Variants in RAB27A observed in about 807,000 individuals in gnomAD.
The protein encoded by RAB27A is ras-related protein Rab-27A.
A neutral mutation model predicts 20.8 loss-of-function variants in RAB27A; 17 were observed. The observed-to-expected ratio is 0.82, with a 90% confidence interval of 0.56 to 1.23. The LOEUF (loss-of-function observed/expected upper bound fraction) is 1.23, where lower values mean the gene tolerates loss of function less well. Among genes scored for constraint, RAB27A ranks in the 50% most tolerant of loss-of-function variants. The pLI, the probability that RAB27A is intolerant of heterozygous loss-of-function variation, is 0.00. For synonymous variants in RAB27A, 85 were observed against 92.8 expected (o/e 0.92, Z 0.48); for missense variants, 277 against 266.7 (o/e 1.04, Z -0.27).
intron 2 of RAB27A, among the ~76,000 whole-genome samples, chr15:55,236,716 T>G (rs1896272496): frequency 6.6e-6 from 1 of 152,194 alleles, no homozygotes; most frequent in African/African-American, 2.4e-5. Flanking sequence ...TCATTAAAAT[T>G]TTATTGATAC....
intron 1 of RAB27A, among the ~76,000 whole-genome samples, chr15:55,272,119 C>A (rs957963552): frequency 3.3e-5 from 5 of 152,166 alleles, no homozygotes; most frequent in African/African-American, 1.2e-4. Flanking sequence ...ACTTCTCAAC[C>A]ATCAGGATAT....
intron 2 of RAB27A, among the ~76,000 whole-genome samples, chr15:55,313,705 C>T (rs2055030605): frequency 6.6e-6 from 1 of 152,128 alleles, no homozygotes; most frequent in African/African-American, 2.4e-5. Flanking sequence ...GAAACCCCGT[C>T]TCCACTAAAA....
intron 1 of RAB27A, chr15:55,317,439 C>T (rs2055055902): frequency 3.9e-6 from 1 of 255,120 alleles, no homozygotes; most frequent in Non-Finnish European, 7.4e-6. Context: ...CTCAGCCTCC[C>T]AAGTAGCTGG....
intron 2 of RAB27A, among the ~76,000 whole-genome samples, chr15:55,246,060 G>A (rs2141020692): frequency 6.6e-6 from 1 of 151,886 alleles, no homozygotes; most frequent in African/African-American, 2.4e-5. Context: ...GCGACAGAGT[G>A]AGACTTCGTC....
At position 55,249,947 on chromosome 15, in the gene RAB27A, A is replaced by AT. The variant is rs900840178; in HGVS notation, c.-22-14992dup. On this transcript the variant is annotated intron_variant, in intron 2 of 6. Coordinates refer to ENST00000336787, the MANE Select transcript of RAB27A (RefSeq NM_183235.3). Reference sequence around the variant, plus strand: ...TTAAGAGTTCTGTAAACTTATTAAGATTTTTTTTTCTATGTTTGTTTTTTG... The same window carrying AT: ...TTAAGAGTTCTGTAAACTTATTAAGATTTTTTTTTTCTATGTTTGTTTTTTG... 3.3e-5 allele frequency among the ~76,000 whole-genome samples: 5 copies of AT among 151,194 alleles called. No homozygotes were observed. The East Asian group carries it at 5.9e-4, about 18-fold the overall frequency.
At position 55,282,666 on chromosome 15, in the gene RAB27A, T is replaced by A. The variant is rs1408015425; in HGVS notation, c.-143+7050A>T. ...AAGACTGAGAACCCAAGTCCCTGTGTAACCCTTCAGGTACACGATCTCTGG... is the reference window on the plus strand; with the variant it reads ...AAGACTGAGAACCCAAGTCCCTGTGAAACCCTTCAGGTACACGATCTCTGG... On this transcript the variant is annotated intron_variant, in intron 1 of 6. Coordinates refer to ENST00000336787, the MANE Select transcript of RAB27A (RefSeq NM_183235.3). 3.9e-5 allele frequency among the ~76,000 whole-genome samples: 6 copies of A among 152,286 alleles called. No individual in the cohort carries two copies. The East Asian group carries it at 1.2e-3, about 29-fold the overall frequency.
chr15:55,298,672 C>T (rs1179688267), intron 2 of RAB27A, among the ~76,000 whole-genome samples: 2 of 152,132 alleles, frequency 1.3e-5, no homozygotes, highest in African/African-American at 4.8e-5. Flanking sequence ...GTTTCTTCTT[C>T]CTAATAAGCC....
At position 55,276,125 on chromosome 15, in the gene RAB27A, A is replaced by C. The variant is rs183516642; in HGVS notation, c.-142-5841T>G. 3.9e-5 allele frequency among the ~76,000 whole-genome samples: 6 copies of C among 152,234 alleles called. No individual in the cohort carries two copies. In the East Asian group the frequency reaches 1.2e-3, roughly 29 times the overall value. On this transcript the variant is annotated intron_variant, in intron 1 of 6. Coordinates refer to ENST00000336787, the MANE Select transcript of RAB27A (RefSeq NM_183235.3). ...CTACTTCTGGGTATAATACATCTGAAAGAATTGAAATCAGGATTTCTAAGT... is the reference window on the plus strand; with the variant it reads ...CTACTTCTGGGTATAATACATCTGACAGAATTGAAATCAGGATTTCTAAGT...
chr15:55,236,640 T>G (rs1043903088), intron 2 of RAB27A, among the ~76,000 whole-genome samples: 1 of 152,222 alleles, frequency 6.6e-6, no homozygotes, highest in African/African-American at 2.4e-5. Flanking sequence ...ACCTTCTAAA[T>G]AGATTCAAAC....
chr15:55,284,430 A>G (rs1290073602), intron 1 of RAB27A, among the ~76,000 whole-genome samples: 1 of 152,224 alleles, frequency 6.6e-6, no homozygotes, highest in Non-Finnish European at 1.5e-5. Flanking sequence ...AGCACCTTAT[A>G]ATAAATACTC....
upstream of RAB27A, chr15:55,290,439 G>A (rs1898280199): frequency 6.6e-6 from 1 of 152,232 alleles, no homozygotes; most frequent in South Asian, 2.1e-4. Context: ...AATTTCGCAG[G>A]AAAAAAATCA....
Position 55,204,634 on chromosome 15 carries a change from G to T in RAB27A, c.*873C>A, listed in dbSNP as rs893331898. The T allele has an allele frequency of 1.3e-5, 2 of 152,160 alleles. No individual in the cohort carries two copies. Among genetic ancestry groups the T allele is most frequent in the African/African-American group, 2.4e-5 (1 of 41,434 alleles). The allele number at this position is 152,160 out of a possible 1,614,324, so 9.4% of individuals were successfully genotyped here. On this transcript the variant is annotated 3_prime_UTR_variant, in exon 7 of 7. Coordinates refer to ENST00000336787, the MANE Select transcript of RAB27A (RefSeq NM_183235.3). ...TCAACATTATAAATATGAAGAAAAA[G>T]AAACTAAATATTTACTCATCGCAAA...
At chr15:55,264,214 T>C (rs12440730) in intron 2 of RAB27A, among the ~76,000 whole-genome samples, 81,980 of 151,630 alleles carry the variant, frequency 0.54, 22,947 homozygotes, top group East Asian at 0.75. Flanking sequence ...CCACATCCGG[T>C]TAATTTTTCT....
rs1217176264 is a variant in RAB27A at position 55,303,787 on chromosome 15, T to TG, written c.-112+10251dup. Among the ~76,000 whole-genome samples the TG allele has an allele frequency of 8.9e-5, 8 of 89,610 alleles. No individual in the cohort carries two copies. In the East Asian group the frequency reaches 2.2e-3, roughly 25 times the overall value. The allele number at this position is 89,610 out of a possible 152,430, so 58.8% of individuals were successfully genotyped here. ...CCAGCCGCCCCGTCCGGGAGGGAGG[T>TG]GGGGGGGTCAGCCCCCCGCCCGGCC... On this transcript the variant is annotated intron_variant, in intron 2 of 5. Transcript: ENST00000563262.
At chr15:55,272,160 C>A (rs1897727183) in intron 1 of RAB27A, among the ~76,000 whole-genome samples, 1 of 152,152 alleles carries the variant, frequency 6.6e-6, no homozygotes, top group Admixed American at 6.5e-5. Context: ...TTTCAAAATG[C>A]TAATTCTGAT....
At chr15:55,214,437 AAAC>A (rs962634616) in intron 6 of RAB27A, among the ~76,000 whole-genome samples, 26 of 152,236 alleles carry the variant, frequency 1.7e-4, no homozygotes, top group African/African-American at 4.1e-4. Context: ...CTCCGTCTCA[AAAC>A]AACAACAACA....
intron 1 of RAB27A, among the ~76,000 whole-genome samples, chr15:55,287,835 T>G (rs1055057075): frequency 1.3e-5 from 2 of 151,886 alleles, no homozygotes; most frequent in African/African-American, 4.8e-5. Flanking sequence ...GACTCACATA[T>G]CCTGATTTCA....
At chr15:55,260,816 G>T (rs1897243858) in intron 2 of RAB27A, among the ~76,000 whole-genome samples, 1 of 152,136 alleles carries the variant, frequency 6.6e-6, no homozygotes, top group South Asian at 2.1e-4. Flanking sequence ...CGATTTTTAG[G>T]GCAGTGAAAC....
intron 2 of RAB27A, among the ~76,000 whole-genome samples, chr15:55,265,654 C>G (rs1897447678): frequency 6.6e-6 from 1 of 150,902 alleles, no homozygotes; most frequent in Admixed American, 6.6e-5. Context: ...AAAAAAAAGA[C>G]CAGGTTTCGA....
Sources: gnomAD v4.1 joint callset for allele counts (sites outside exome capture counted in the v4.1 genomes callset) on GRCh38, gnomAD v4.1.1 for gene constraint, MANE v1.5 for transcripts, NCBI Gene and HGNC (gene_info 2026-07-23, HGNC 2026-07-21) for gene names.